The following UBE2H variants were observed in gnomAD, a reference collection of about 807,000 sequenced individuals.
UBE2H encodes ubiquitin-conjugating enzyme E2 H.
In UBE2H, 3 loss-of-function variants were observed where a neutral mutation model predicts 29.0. That is an observed-to-expected ratio of 0.10 (90% CI 0.05 to 0.27). UBE2H has a LOEUF of 0.27. UBE2H is among the 10% of genes least tolerant of loss of function. The pLI, the probability that UBE2H is intolerant of heterozygous loss-of-function variation, is 1.00. For synonymous variants in UBE2H, 69 were observed against 82.9 expected (o/e 0.83, Z 0.91); for missense variants, 68 against 228.2 (o/e 0.30, Z 4.52).
intron 5 of UBE2H, among the ~76,000 whole-genome samples, chr7:129,843,024 A>G (rs2727498): frequency 0.95 from 132,902 of 140,346 alleles, 63,316 homozygotes; most frequent in East Asian, 1. Context: ...TTTTTGAGAC[A>G]GAGTCTTGCT....
chr7:129,914,962 C>T lies in UBE2H; in HGVS notation c.54-33991G>A, dbSNP rs185610718. Among the ~76,000 whole-genome samples the T allele has an allele frequency of 7.3e-3, 1,109 of 152,256 alleles. 10 individuals are homozygous for T. Among genetic ancestry groups the T allele is most frequent in the Non-Finnish European group, 0.011 (754 of 68,024 alleles). On this transcript the variant is annotated intron_variant, in intron 1 of 6. Transcript: ENST00000355621. ...AAAACACAATGTCCGGCCCAGGATG[C>T]GCTCAAATGTCAGCTGTTACTACTA...
In UBE2H at chr7:129,895,818, G is replaced by A. The variant is rs372308216; in HGVS notation, c.54-14847C>T. On this transcript the variant is annotated intron_variant, in intron 1 of 6. Coordinates refer to ENST00000355621, the MANE Select transcript of UBE2H (RefSeq NM_003344.4). Reference sequence around the variant, plus strand: ...GCAGGAGAATGGCGTGGAGCTTGCAGTGAGTTGAGATCGCGCCACTGCACT... The same window carrying A: ...GCAGGAGAATGGCGTGGAGCTTGCAATGAGTTGAGATCGCGCCACTGCACT... 3.9e-5 allele frequency among the ~76,000 whole-genome samples: 6 copies of A among 152,216 alleles called. No individual in the cohort carries two copies. The East Asian group carries it at 9.7e-4, about 25-fold the overall frequency.
At position 129,948,672 on chromosome 7, in the gene UBE2H, A is replaced by AG. The variant is rs201034258; in HGVS notation, c.53+3830dup. 3.3e-3 allele frequency among the ~76,000 whole-genome samples: 506 copies of AG among 152,194 alleles called. 3 individuals are homozygous for AG. The highest frequency in any genetic ancestry group is 0.012 in the African/African-American group (483 of 41,526). ...TCTACAAAAAATGTAAAAATAAATA[A>AG]GGGGGGGATCCTATTACTGAACTCC... On this transcript the variant is annotated intron_variant, in intron 1 of 6. Transcript: ENST00000355621.
intron 1 of UBE2H, among the ~76,000 whole-genome samples, chr7:129,923,201 AG>A (rs1318810642): frequency 6.6e-6 from 1 of 152,176 alleles, no homozygotes; most frequent in Non-Finnish European, 1.5e-5. Context: ...CTGTTAAACA[AG>A]AAACTTAATA....
At chr7:129,941,450 A>G (rs1344742541) in intron 1 of UBE2H, among the ~76,000 whole-genome samples, 1 of 152,138 alleles carries the variant, frequency 6.6e-6, no homozygotes, top group African/African-American at 2.4e-5. Context: ...ACTGGAATTT[A>G]TATGCTCAGG....
At chr7:129,845,956 C>CA (rs1450872554) in intron 5 of UBE2H, among the ~76,000 whole-genome samples, 2 of 152,148 alleles carry the variant, frequency 1.3e-5, no homozygotes, top group Non-Finnish European at 2.9e-5. Flanking sequence ...ACAAATATGA[C>CA]ATCCTCAAAG....
chr7:129,865,208 T>G (rs1014151426), intron 3 of UBE2H: 6 of 301,884 alleles, frequency 2.0e-5, no homozygotes, highest in African/African-American at 1.3e-4. Context: ...ATAACAAATC[T>G]CATGACCCAT....
At chr7:129,933,250 C>G (rs904137595) in intron 1 of UBE2H, among the ~76,000 whole-genome samples, 16 of 152,038 alleles carry the variant, frequency 1.1e-4, no homozygotes, top group African/African-American at 3.6e-4. Flanking sequence ...AAAATAAACA[C>G]AACATAAAGG....
chr7:129,842,992 C>A (rs1191941108), intron 5 of UBE2H, among the ~76,000 whole-genome samples: 1 of 150,076 alleles, frequency 6.7e-6, no homozygotes, highest in African/African-American at 2.4e-5. Flanking sequence ...GTTACATTAA[C>A]AGTAATTTTT....
rs746313608 is a variant in UBE2H at position 129,858,892 on chromosome 7, A to C, written c.245+10T>G. ...TGCTAAAATTGAAACATTTTAAAATAGTTACTTACGCTTCATCAATGTTGG... is the reference window on the plus strand; with the variant it reads ...TGCTAAAATTGAAACATTTTAAAATCGTTACTTACGCTTCATCAATGTTGG... On this transcript the variant is annotated intron_variant, in intron 4 of 6. Transcript: ENST00000355621. The C allele has an allele frequency of 1.8e-5, 29 of 1,607,612 alleles. No individual in the cohort carries two copies. The highest frequency in any genetic ancestry group is 2.3e-5 in the Non-Finnish European group (27 of 1,175,618).
intron 1 of UBE2H, among the ~76,000 whole-genome samples, chr7:129,881,616 C>A (rs1401733145): frequency 6.9e-6 from 1 of 144,838 alleles, no homozygotes; most frequent in Non-Finnish European, 1.5e-5. Flanking sequence ...TCACTGCACT[C>A]CAGCCTGGGT....
At chr7:129,872,336 C>T (rs536371944) in intron 3 of UBE2H, among the ~76,000 whole-genome samples, 1 of 152,138 alleles carries the variant, frequency 6.6e-6, no homozygotes, top group South Asian at 2.1e-4. Flanking sequence ...TAGAATGATT[C>T]CATCTAGGAA....
chr7:129,918,106 G>C (rs1807080044), intron 1 of UBE2H, among the ~76,000 whole-genome samples: 1 of 152,174 alleles, frequency 6.6e-6, no homozygotes. Context: ...ATGTCTTAAA[G>C]CAAGACAAAT....
chr7:129,936,130 CCATCAGAACTT>C (rs1807522786), intron 1 of UBE2H, among the ~76,000 whole-genome samples: 1 of 152,068 alleles, frequency 6.6e-6, no homozygotes, highest in Non-Finnish European at 1.5e-5. Context: ...TAATAAGATG[CCATCAGAACTT>C]CATCAGAACT....
chr7:129,910,819 T>C (rs149221491), intron 1 of UBE2H, among the ~76,000 whole-genome samples: 169 of 151,682 alleles, frequency 1.1e-3, no homozygotes, highest in African/African-American at 3.7e-3. Context: ...GAAGCGGAGG[T>C]TGCAGTGAGC....
intron 1 of UBE2H, among the ~76,000 whole-genome samples, chr7:129,893,910 G>T (rs1026379978): frequency 1.3e-5 from 2 of 152,192 alleles, no homozygotes; most frequent in African/African-American, 2.4e-5. Context: ...TGTACTCCCG[G>T]CACTTTGGGA....
intron 1 of UBE2H, among the ~76,000 whole-genome samples, chr7:129,928,985 C>T (rs866982164): frequency 1.3e-5 from 2 of 152,258 alleles, no homozygotes; most frequent in African/African-American, 4.8e-5. Context: ...ACAATGAGTG[C>T]ACTGTCAATT....
chr7:129,912,988 C>T (rs1430461168), intron 1 of UBE2H, among the ~76,000 whole-genome samples: 1 of 152,156 alleles, frequency 6.6e-6, no homozygotes, highest in Non-Finnish European at 1.5e-5. Flanking sequence ...GCGGTGGTCA[C>T]GCCTGTAATC....
chr7:129,868,132 T>C (rs73469795), intron 3 of UBE2H, among the ~76,000 whole-genome samples: 2,386 of 152,170 alleles, frequency 0.016, 38 homozygotes, highest in African/African-American at 0.041. Flanking sequence ...GGGAAAGAAA[T>C]AGATTTAATG....
Sources: allele counts gnomAD v4.1 joint callset (sites outside exome capture counted in the v4.1 genomes callset), GRCh38; gene constraint gnomAD v4.1.1; transcripts MANE v1.5; gene names NCBI Gene and HGNC (gene_info 2026-07-23, HGNC 2026-07-21).